MGST2: variants seen among roughly 807,000 people sequenced by gnomAD.
The protein encoded by MGST2 is glutathione peroxidase MGST2.
Under a neutral mutation model 16.6 loss-of-function variants are expected in MGST2, and 9 were observed. The ratio of observed to expected loss-of-function variants is 0.54; its 90% CI spans 0.33 to 0.95. The LOEUF is 0.95. Ranked by LOEUF, MGST2 falls within the 40% of genes least tolerant of loss-of-function variation. The pLI is 0.03. For synonymous variants in MGST2, 79 were observed against 68.0 expected (o/e 1.16, Z -0.79); for missense variants, 159 against 175.1 (o/e 0.91, Z 0.52).
At chr4:139,712,880 C>A (rs1727793043) in intron 5 of MGST2, among the ~76,000 whole-genome samples, 1 of 152,174 alleles carries the variant, frequency 6.6e-6, no homozygotes, top group Non-Finnish European at 1.5e-5. Context: ...TGTCCTGTTA[C>A]AAAAGAAAAC....
chr4:139,720,747 A>G (rs1169542358), intron 5 of MGST2, among the ~76,000 whole-genome samples: 2 of 152,230 alleles, frequency 1.3e-5, no homozygotes, highest in Non-Finnish European at 2.9e-5. Flanking sequence ...CTCAACCAAT[A>G]AGATACTATT....
the MGST2 span, among the ~76,000 whole-genome samples, chr4:139,749,762 C>T: frequency 6.6e-6 from 1 of 152,164 alleles, no homozygotes; most frequent in Non-Finnish European, 1.5e-5. Flanking sequence ...GGAGCTCTCA[C>T]TACATAGATG....
chr4:139,749,299 T>C, the MGST2 span, among the ~76,000 whole-genome samples: 1 of 152,174 alleles, frequency 6.6e-6, no homozygotes, highest in Admixed American at 6.5e-5. Flanking sequence ...ATATATTAAA[T>C]GCAAAAAAAG....
intron 1 of MGST2, among the ~76,000 whole-genome samples, chr4:139,671,762 C>T (rs1404269993): frequency 6.6e-6 from 1 of 152,154 alleles, no homozygotes; most frequent in African/African-American, 2.4e-5. Flanking sequence ...CCGGCTCAGC[C>T]TCCTGAGTAT....
intron 5 of MGST2, among the ~76,000 whole-genome samples, chr4:139,723,330 GAC>G (rs1195288999): frequency 2.0e-5 from 3 of 151,958 alleles, no homozygotes; most frequent in African/African-American, 7.3e-5. Flanking sequence ...TTTTTTCTGG[GAC>G]ACAGTTTTGC....
At chr4:139,705,506 C>T (rs1320010818), downstream of MGST2, 1 of 152,054 alleles carries the variant, frequency 6.6e-6, no homozygotes, top group Non-Finnish European at 1.5e-5. Flanking sequence ...AAATTTCAGC[C>T]AGTTTTTTTT....
chr4:139,704,592 A>G (rs1453607976), downstream of MGST2, among the ~76,000 whole-genome samples: 1 of 152,244 alleles, frequency 6.6e-6, no homozygotes, highest in Non-Finnish European at 1.5e-5. Context: ...TAGAGTAGCC[A>G]GAGAAGGGAG....
chr4:139,723,337 T>A (rs1321909530), intron 5 of MGST2, among the ~76,000 whole-genome samples: 1 of 152,160 alleles, frequency 6.6e-6, no homozygotes, highest in Non-Finnish European at 1.5e-5. Flanking sequence ...TGGGACACAG[T>A]TTTGCTCTTG....
chr4:139,737,149 G>A (rs1728978149), intron 5 of MGST2, among the ~76,000 whole-genome samples: 1 of 152,104 alleles, frequency 6.6e-6, no homozygotes, highest in African/African-American at 2.4e-5. Context: ...AGACTTACAA[G>A]TCCCTCGTGT....
rs1208370426 is a variant in MGST2, at chr4:139,711,297, T to C, written c.*48+7101T>C. Among the ~76,000 whole-genome samples, 14 of 152,180 alleles carry C rather than the reference T, an allele frequency of 9.2e-5. No individual in the cohort carries two copies. In the East Asian group the frequency reaches 2.5e-3, roughly 27 times the overall value. ...CCCAATCCAGACCCCAAGAGAAGGT[T>C]CTTGGATCTCGTGCAAGAAAGAATT... On this transcript the variant is annotated intron_variant, in intron 5 of 5. Transcript: ENST00000616265.
chr4:139,677,186 C>G (rs1057213856), intron 1 of MGST2, among the ~76,000 whole-genome samples: 4 of 152,144 alleles, frequency 2.6e-5, no homozygotes, highest in Admixed American at 2.0e-4. Flanking sequence ...AGGTCTCAAC[C>G]AATTTAGAAA....
downstream of MGST2, chr4:139,704,324 T>C: frequency 2.7e-6 from 2 of 737,580 alleles, no homozygotes; most frequent in Non-Finnish European, 4.4e-6. Flanking sequence ...TTGGGGTAGG[T>C]ACATCCATAT....
At chr4:139,716,865 A>G (rs1727991418) in intron 5 of MGST2, 2 of 152,764 alleles carry the variant, frequency 1.3e-5, no homozygotes, top group African/African-American at 4.8e-5. Context: ...GAAATAAGCA[A>G]TGCTCAATGT....
intron 5 of MGST2, among the ~76,000 whole-genome samples, chr4:139,712,325 C>T (rs1402977881): frequency 6.6e-6 from 1 of 152,174 alleles, no homozygotes; most frequent in Non-Finnish European, 1.5e-5. Context: ...ACAGGGTTAG[C>T]TTAAATTGCA....
rs376980152 is a variant in MGST2, at chr4:139,666,037, C to T, written c.18C>T (p.Ile6=). The change falls in exon 1 of 5, where the codon ATC becomes ATT. Residue 6 remains isoleucine (I), a synonymous_variant. Transcript: ENST00000265498. MAGNS[I]LLAAVSILSA... is the part of the protein sequence containing the mutation. ...TGAGAAAGATGGCCGGGAACTCGAT[C>T]CTGCTGGCTGCTGTCTCTATTCTCT... 2.2e-5 allele frequency: 36 copies of T among 1,613,934 alleles called. No homozygotes were observed. The highest frequency in any genetic ancestry group is 2.6e-5 in the Non-Finnish European group (31 of 1,180,030).
intron 5 of MGST2, chr4:139,730,439 GCT>G (rs1728654994): frequency 6.5e-7 from 1 of 1,531,942 alleles, no homozygotes; most frequent in African/African-American, 1.4e-5. Flanking sequence ...ATCTGCTGCT[GCT>G]GCTGCTGCTG....
In MGST2 at chr4:139,735,958, C is replaced by T. The variant is rs1281960813; in HGVS notation, c.*49-4254C>T. Among the ~76,000 whole-genome samples, 1 of 152,116 alleles carries T rather than the reference C, an allele frequency of 6.6e-6. No individual in the cohort carries two copies. Among genetic ancestry groups the T allele is most frequent in the Non-Finnish European group, 1.5e-5 (1 of 67,998 alleles). ...AGGCTGCGGTGTGCTCCAGCGGGCG[C>T]ATTTCCCAGGCCCCGCCACATCGTG... On this transcript the variant is annotated intron_variant, in intron 5 of 5. Transcript: ENST00000616265. The surrounding 1 kb of genome is among the most constrained non-coding windows in gnomAD (Gnocchi z 5.8).
intron 5 of MGST2, among the ~76,000 whole-genome samples, chr4:139,716,404 T>C (rs948433828): frequency 3.9e-5 from 6 of 152,212 alleles, no homozygotes. Flanking sequence ...GACAAAAATA[T>C]TTATTTTTCC....
chr4:139,708,091 T>C (rs1452205988), downstream of MGST2, among the ~76,000 whole-genome samples: 1 of 152,236 alleles, frequency 6.6e-6, no homozygotes, highest in Non-Finnish European at 1.5e-5. Context: ...TTGTCTTTTG[T>C]TGCCATTGCT....
Sources: allele counts gnomAD v4.1 joint callset (sites outside exome capture counted in the v4.1 genomes callset), GRCh38; gene constraint gnomAD v4.1.1; non-coding constraint Gnocchi (gnomAD v3.1); transcripts MANE v1.5; gene names NCBI Gene and HGNC (gene_info 2026-07-23, HGNC 2026-07-21).